HIVEP3: variants seen among roughly 807,000 people sequenced by gnomAD.
The protein encoded by HIVEP3 is HIVEP zinc finger 3, also known as transcription factor HIVEP3.
HIVEP3 carries 49 observed loss-of-function variants against 152.8 expected under a neutral mutation model. That is an observed-to-expected ratio of 0.32 (90% CI 0.26 to 0.41). HIVEP3 has a LOEUF of 0.41. HIVEP3 is among the 10% of genes least tolerant of loss of function. HIVEP3 has a pLI of 1.00. For synonymous variants in HIVEP3, 1,269 were observed against 1,289.0 expected (o/e 0.98, Z 0.33); for missense variants, 2,790 against 3,103.3 (o/e 0.90, Z 2.40).
intron 1 of HIVEP3, among the ~76,000 whole-genome samples, chr1:41,746,512 T>C (rs926849626): frequency 6.6e-6 from 1 of 152,336 alleles, no homozygotes; most frequent in East Asian, 1.9e-4. Context: ...TTTATGCCTA[T>C]GAGCATGGGG....
intron 2 of HIVEP3, among the ~76,000 whole-genome samples, chr1:41,643,162 G>A (rs1056453461): frequency 4.6e-5 from 7 of 152,110 alleles, no homozygotes; most frequent in African/African-American, 7.2e-5. Context: ...TGCCCCAAGC[G>A]GTACTTCTGC....
At chr1:41,855,594 C>T (rs944074007) in intron 1 of HIVEP3, among the ~76,000 whole-genome samples, 1 of 152,190 alleles carries the variant, frequency 6.6e-6, no homozygotes, top group Non-Finnish European at 1.5e-5. Flanking sequence ...CCAAACTCAC[C>T]TTCTCCATGA....
intron 5 of HIVEP3, among the ~76,000 whole-genome samples, chr1:41,536,844 A>C (rs548982490): frequency 4.9e-4 from 74 of 152,320 alleles, no homozygotes; most frequent in Non-Finnish European, 8.7e-4. Flanking sequence ...CACAGGAGAA[A>C]ACAGTCCCAG....
intron 2 of HIVEP3, among the ~76,000 whole-genome samples, chr1:41,642,955 ACTT>A (rs901066590): frequency 2.0e-5 from 3 of 151,870 alleles, no homozygotes; most frequent in African/African-American, 7.3e-5. Context: ...ACCATCACTG[ACTT>A]CTTCTCCCTC....
At chr1:41,699,805 C>T (rs540515213) in intron 2 of HIVEP3, among the ~76,000 whole-genome samples, 128 of 152,198 alleles carry the variant, frequency 8.4e-4, no homozygotes, top group African/African-American at 3.0e-3. Context: ...CACCACTTTC[C>T]TCCCCACCCT....
chr1:41,579,945 T>A lies in HIVEP3; in HGVS notation c.4853A>T (p.Gln1618Leu). The A allele has an allele frequency of 6.2e-7, 1 of 1,614,242 alleles. No homozygotes were observed. The highest frequency in any genetic ancestry group is 8.5e-7 in the Non-Finnish European group (1 of 1,180,036). ...YLNYIKPNHIQHADRRSSVYA... is the reference protein window; with the variant it reads ...YLNYIKPNHILHADRRSSVYA... ...AACAGAGGACCTCCTATCTGCATGC[T>A]GGATGTGATTTGGCTTAATGTAGTT... Residue 1618 changes from glutamine (Q) to leucine (L), a missense_variant, in exon 4 of 9, where the codon CAG (glutamine) becomes CTG (leucine). By Grantham distance (113) the Gln-to-Leu change is moderately radical. Transcript: ENST00000372583.
intron 1 of HIVEP3, among the ~76,000 whole-genome samples, chr1:41,843,798 C>T (rs187727017): frequency 1.4e-4 from 21 of 152,270 alleles, no homozygotes; most frequent in Admixed American, 1.4e-3. Flanking sequence ...GGTACATGTG[C>T]ACAATGTGCA....
chr1:41,545,880 A>G (rs1026257442), intron 5 of HIVEP3, among the ~76,000 whole-genome samples: 1 of 152,196 alleles, frequency 6.6e-6, no homozygotes, highest in Non-Finnish European at 1.5e-5. Flanking sequence ...ACAGAGAGGA[A>G]CAGTAACAGG....
intron 1 of HIVEP3, among the ~76,000 whole-genome samples, chr1:42,024,206 T>C (rs1337881996): frequency 6.6e-6 from 1 of 152,212 alleles, no homozygotes; most frequent in Non-Finnish European, 1.5e-5. Flanking sequence ...TTTTCTTCTC[T>C]ATATATTATT....
At chr1:41,659,633 G>A (rs540171082) in intron 2 of HIVEP3, among the ~76,000 whole-genome samples, 30 of 152,244 alleles carry the variant, frequency 2.0e-4, no homozygotes, top group African/African-American at 5.1e-4. Context: ...TAGATGCTGC[G>A]GTCCTTGCCC....
chr1:41,873,763 C>G lies in HIVEP3; in HGVS notation c.-801+44650G>C, dbSNP rs1038449644. On this transcript the variant is annotated intron_variant, in intron 1 of 8. Transcript: ENST00000372583. This position sits in a 1 kb window ranked among gnomAD's most constrained non-coding sequence, Gnocchi z 4.2. The stretch of plus-strand genomic sequence containing the variant: ...GGGAAGGAGGAGGATTAGAATTCCT[C>G]ATATCAGAGAATCCCAGAGCTTTGA... Among the ~76,000 whole-genome samples, 6 of 152,178 alleles carry G rather than the reference C, an allele frequency of 3.9e-5. No homozygotes were observed. Among genetic ancestry groups the G allele is most frequent in the Non-Finnish European group, 8.8e-5 (6 of 68,024 alleles).
chr1:41,996,545 A>G (rs891410675), intron 1 of HIVEP3, among the ~76,000 whole-genome samples: 4 of 152,170 alleles, frequency 2.6e-5, no homozygotes, highest in Non-Finnish European at 4.4e-5. Context: ...CAGAGCACCC[A>G]TGCACAGTTT....
chr1:42,033,027 A>G (rs1645621647), intron 1 of HIVEP3, among the ~76,000 whole-genome samples: 1 of 152,082 alleles, frequency 6.6e-6, no homozygotes, highest in Non-Finnish European at 1.5e-5. Flanking sequence ...TCCAAGCAGG[A>G]GCAGAACGAG....
chr1:42,005,201 C>T (rs529484940), intron 1 of HIVEP3, among the ~76,000 whole-genome samples: 1 of 152,126 alleles, frequency 6.6e-6, no homozygotes, highest in Non-Finnish European at 1.5e-5. Context: ...AAGTATTTTG[C>T]CCTTCTAAAG....
chr1:41,623,832 A>G (rs1211604628), intron 3 of HIVEP3, among the ~76,000 whole-genome samples: 1 of 152,160 alleles, frequency 6.6e-6, no homozygotes, highest in East Asian at 1.9e-4. Context: ...CCCCTCGGGT[A>G]TCCTTTTTCC....
At chr1:42,020,482 A>G (rs1006405337) in intron 1 of HIVEP3, among the ~76,000 whole-genome samples, 1 of 79,302 alleles carries the variant, frequency 1.3e-5, no homozygotes, top group Non-Finnish European at 2.9e-5. Context: ...TAAATTGTCA[A>G]GTATGTTGGC....
intron 1 of HIVEP3, among the ~76,000 whole-genome samples, chr1:41,805,288 GA>G (rs1650536851): frequency 1.3e-5 from 2 of 152,216 alleles, no homozygotes; most frequent in Admixed American, 1.3e-4. Flanking sequence ...CAGGAGCCGA[GA>G]TTATGCCACT....
At chr1:41,825,361 A>G (rs1305357506) in intron 1 of HIVEP3, among the ~76,000 whole-genome samples, 1 of 151,992 alleles carries the variant, frequency 6.6e-6, no homozygotes, top group East Asian at 1.9e-4. Context: ...AGGGCGGGGG[A>G]ATGTCACCAT....
intron 5 of HIVEP3, among the ~76,000 whole-genome samples, chr1:41,570,275 G>T (rs1020018061): frequency 6.6e-6 from 1 of 152,166 alleles, no homozygotes; most frequent in African/African-American, 2.4e-5. Flanking sequence ...AGGTGATAGG[G>T]TTTGTCTGTG....
Sources: gnomAD v4.1 joint callset for allele counts (sites outside exome capture counted in the v4.1 genomes callset) on GRCh38, gnomAD v4.1.1 for gene constraint, Gnocchi (gnomAD v3.1) non-coding constraint, MANE v1.5 for transcripts, NCBI Gene and HGNC (gene_info 2026-07-23, HGNC 2026-07-21) for gene names.